Variants in DMD observed in about 807,000 individuals in gnomAD.
The protein encoded by DMD is mutant dystrophin.
DMD carries 63 observed loss-of-function variants against 330.1 expected under a neutral mutation model. The ratio of observed to expected loss-of-function variants is 0.19; its 90% confidence interval spans 0.16 to 0.24. DMD has a LOEUF of 0.24. Among genes scored for constraint, DMD ranks in the 10% least tolerant of loss-of-function variants. The pLI, the probability that DMD is intolerant of heterozygous loss-of-function variation, is 1.00. For synonymous variants in DMD, 1,223 were observed against 959.8 expected (o/e 1.27, Z -5.07); for missense variants, 3,344 against 2,684.1 (o/e 1.25, Z -5.43).
At chrX:32,698,467 T>C (rs1265372308) in intron 8 of DMD, among the ~76,000 whole-genome samples, 1 of 111,799 alleles carries the variant, frequency 8.9e-6, no homozygotes, top group African/African-American at 3.3e-5. Flanking sequence ...GCAGAAATGT[T>C]GCTAAAGGTT....
intron 7 of DMD, among the ~76,000 whole-genome samples, chrX:32,799,886 C>T (rs1178240484): frequency 9.0e-6 from 1 of 111,357 alleles, no homozygotes; most frequent in Non-Finnish European, 1.9e-5. Context: ...CTAATGCCTA[C>T]TGCTACTCAT....
chrX:32,359,542 CT>C (rs1267120348), intron 37 of DMD, among the ~76,000 whole-genome samples: 1 of 111,361 alleles, frequency 9.0e-6, no homozygotes, highest in Non-Finnish European at 1.9e-5. Flanking sequence ...TGTATAACCC[CT>C]ACTATAAAGA....
intron 1 of DMD, among the ~76,000 whole-genome samples, chrX:33,312,169 C>T (rs1481728360): frequency 1.8e-5 from 2 of 110,906 alleles, no homozygotes; most frequent in East Asian, 5.7e-4. Flanking sequence ...GGATAAATAA[C>T]ATAGTTGAGT....
chrX:32,463,166 A>G (rs1461367700), intron 25 of DMD, among the ~76,000 whole-genome samples: 1 of 111,813 alleles, frequency 8.9e-6, no homozygotes, highest in African/African-American at 3.3e-5. Flanking sequence ...GATTGGAAAT[A>G]ATGACTAAGA....
chrX:31,642,136 G>A (rs1245756858), intron 54 of DMD, among the ~76,000 whole-genome samples: 1 of 111,615 alleles, frequency 9.0e-6, no homozygotes, highest in African/African-American at 3.3e-5. Flanking sequence ...TAATATTATT[G>A]AGAAAAGAGT....
intron 63 of DMD, 28 bp from the exon 64 acceptor site, chrX:31,223,149 T>C (rs371631110): frequency 2.6e-6 from 3 of 1,169,555 alleles, no homozygotes; most frequent in Non-Finnish European, 3.5e-6. Flanking sequence ...AAAGAGCATT[T>C]GTTATTCCAT....
intron 44 of DMD, among the ~76,000 whole-genome samples, chrX:32,202,513 G>C (rs1732086210): frequency 9.0e-6 from 1 of 111,172 alleles, no homozygotes; most frequent in Admixed American, 9.6e-5. Context: ...CACCACGCCT[G>C]GCTAATTTTC....
chrX:31,887,174 T>G (rs1478356083), intron 47 of DMD, among the ~76,000 whole-genome samples: 1 of 112,087 alleles, frequency 8.9e-6, no homozygotes, highest in African/African-American at 3.2e-5. Flanking sequence ...ACTATATGAG[T>G]GCAAAAGAAG....
intron 1 of DMD, among the ~76,000 whole-genome samples, chrX:33,316,999 CTTTTT>C (rs2053942002): frequency 1.8e-5 from 2 of 109,134 alleles, no homozygotes; most frequent in Non-Finnish European, 3.8e-5. Context: ...TTTCTTTTTT[CTTTTT>C]GTGTTTTTAA....
intron 44 of DMD, among the ~76,000 whole-genome samples, chrX:32,162,307 G>A (rs1351730803): frequency 9.0e-6 from 1 of 111,121 alleles, no homozygotes; most frequent in African/African-American, 3.3e-5. Context: ...AATATTTCTC[G>A]GGGTGAATCA....
chrX:32,179,067 CTTATT>C (rs2096918293), intron 44 of DMD, among the ~76,000 whole-genome samples: 1 of 105,915 alleles, frequency 9.4e-6, no homozygotes, highest in Admixed American at 1.1e-4. Context: ...TTTAAATATT[CTTATT>C]TTGTCTGGTG....
intron 52 of DMD, among the ~76,000 whole-genome samples, chrX:31,715,283 G>A (rs906727480): frequency 7.3e-5 from 8 of 109,215 alleles, no homozygotes; most frequent in South Asian, 4.0e-4. Context: ...GGTGGCTCAC[G>A]CCTGTAATCC....
chrX:32,103,834 C>T (rs749244280), intron 44 of DMD, among the ~76,000 whole-genome samples: 2 of 111,909 alleles, frequency 1.8e-5, no homozygotes, highest in South Asian at 3.7e-4. Flanking sequence ...TCACACAGTG[C>T]ACAATCTTAT....
intron 43 of DMD, among the ~76,000 whole-genome samples, chrX:32,247,238 C>T (rs993571774): frequency 4.5e-5 from 5 of 111,764 alleles, no homozygotes; most frequent in African/African-American, 1.6e-4. Flanking sequence ...GTTTAATCTT[C>T]CTCCATTGCT....
At chrX:31,952,136 G>T (rs1288765386) in intron 45 of DMD, among the ~76,000 whole-genome samples, 1 of 110,613 alleles carries the variant, frequency 9.0e-6, no homozygotes, top group African/African-American at 3.3e-5. Flanking sequence ...TTTCCCATTT[G>T]TCTTTCAATA....
chrX:31,219,414 TCTTA>T (rs1159054619), intron 64 of DMD, among the ~76,000 whole-genome samples: 7 of 111,153 alleles, frequency 6.3e-5, no homozygotes, highest in African/African-American at 2.3e-4. Context: ...CCGCCCTCTC[TCTTA>T]TTCTCCACAA....
intron 2 of DMD, among the ~76,000 whole-genome samples, chrX:32,894,496 G>A (rs771779885): frequency 2.4e-4 from 27 of 112,664 alleles, no homozygotes; most frequent in African/African-American, 7.1e-4. Flanking sequence ...CGGGCAGCAT[G>A]CAGTTTATAT....
intron 50 of DMD, among the ~76,000 whole-genome samples, chrX:31,797,180 A>C (rs1175586222): frequency 8.9e-6 from 1 of 112,095 alleles, no homozygotes; most frequent in Non-Finnish European, 1.9e-5. Context: ...GTGATGGCCA[A>C]TCAGCCAAGA....
chrX:31,876,997 A>G (rs1037764834), intron 47 of DMD, among the ~76,000 whole-genome samples: 3 of 111,690 alleles, frequency 2.7e-5, no homozygotes, highest in Non-Finnish European at 5.6e-5. Context: ...CACATAAACA[A>G]TGTCACATGC....
Sources: allele counts gnomAD v4.1 joint callset (sites outside exome capture counted in the v4.1 genomes callset), GRCh38; gene constraint gnomAD v4.1.1; transcripts MANE v1.5; gene names NCBI Gene and HGNC (gene_info 2026-07-23, HGNC 2026-07-21).